Variants in TIPARP observed in about 807,000 individuals in gnomAD.
TIPARP encodes protein mono-ADP-ribosyltransferase TIPARP.
In TIPARP, 12 loss-of-function variants were observed where a neutral mutation model predicts 56.5. The observed-to-expected ratio is 0.21, with a 90% CI of 0.14 to 0.34. The LOEUF (loss-of-function observed/expected upper bound fraction) is 0.34. Ranked by LOEUF, TIPARP falls within the 10% of genes least tolerant of loss-of-function variation. The pLI is 1.00. For missense variants in TIPARP, 604 were observed against 781.6 expected (o/e 0.77, Z 2.71); for synonymous variants, 296 against 265.7 (o/e 1.11, Z -1.11).
In TIPARP at chr3:156,703,329, TATA is replaced by T. The variant is rs369519518; in HGVS notation, c.1248-91_1248-89del. On this transcript the variant is annotated intron_variant, in intron 4 of 5. Coordinates refer to ENST00000295924, the MANE Select transcript of TIPARP (RefSeq NM_015508.5). ...AAATAAGCACTTAAGCTATACAGAT[TATA>T]ATATTAAGTAGACACTGATATAGAT... The T allele has an allele frequency of 4.1e-4, 528 of 1,281,318 alleles. No individual in the cohort carries two copies. The African/African-American group carries it at 7.2e-3, about 18-fold the overall frequency. 79.4% of individuals were successfully genotyped at this position (1,281,318 alleles called of 1,614,324 possible). A position where few individuals can be genotyped will look rare whatever the true frequency, so the allele number is the denominator to read the frequency against.
Position 156,678,447 on chromosome 3 carries a change from T to C in TIPARP, c.750T>C (p.Thr250=), listed in dbSNP as rs1302487512. ...IEICMDFLQG[T]CIYGRDCLKH... is the part of the protein sequence containing the mutation. ...TTTGCATGGACTTTCTGCAAGGCAC[T>C]TGTATTTATGGCAGGGATTGTTTGA... Residue 250 remains threonine (T), a synonymous_variant, in exon 2 of 6, where the codon ACT becomes ACC. Transcript: ENST00000295924. 1.2e-6 allele frequency: 2 copies of C among 1,614,196 alleles called. No individual in the cohort carries two copies. The highest frequency in any genetic ancestry group is 1.6e-4 in the Middle Eastern group (1 of 6,062).
chr3:156,690,082 T>A (rs1722527181), intron 2 of TIPARP, among the ~76,000 whole-genome samples: 1 of 152,198 alleles, frequency 6.6e-6, no homozygotes, highest in Non-Finnish European at 1.5e-5. Flanking sequence ...GCTTTTTTTT[T>A]GGTCTCATTT....
chr3:156,703,720 A>G lies in TIPARP; in HGVS notation c.1526+18A>G. 1 of 1,599,274 alleles carries G rather than the reference A, an allele frequency of 6.3e-7. No individual in the cohort carries two copies. Among genetic ancestry groups the G allele is most frequent in the Non-Finnish European group, 8.5e-7 (1 of 1,176,380 alleles). ...TATAAAAGGTGAGTCAGATGTATGA[A>G]AAGTTCAAGACGGCCGGGCGCAGTG... On this transcript the variant is annotated intron_variant, in intron 5 of 5. Coordinates refer to ENST00000295924, the MANE Select transcript of TIPARP (RefSeq NM_015508.5).
rs762719514 is a variant in TIPARP at position 156,703,658 on chromosome 3, G to T, written c.1482G>T (p.Gln494His). ...TVPEFKYRIL[Q>H]ILRVQNQFLW... ...CTGAGTTTAAATACAGAATTTTGCA[G>T]ATATTGAGAGTCCAAAACCAGTTTC... is the stretch of plus-strand genomic sequence containing the variant. The change falls in exon 5 of 6, where the codon CAG becomes CAT. Residue 494 changes from glutamine to histidine, a missense_variant. By Grantham distance (24) the Gln-to-His change is conservative (BLOSUM62 0). Around this residue, in one of 4 missense-constraint regions of TIPARP, gnomAD observed 252 missense variants for 303.9 expected, o/e 0.83. Transcript: ENST00000295924. 6.2e-7 allele frequency: 1 copy of T among 1,613,814 alleles called. No individual in the cohort carries two copies. Among genetic ancestry groups the T allele is most frequent in the South Asian group, 1.1e-5 (1 of 91,054 alleles).
chr3:156,694,290 G>A, intron 3 of TIPARP, 102 bp downstream of exon 3: 1 of 1,035,156 alleles, frequency 9.7e-7, no homozygotes, highest in Non-Finnish European at 1.3e-6. Flanking sequence ...GCAGAACTAT[G>A]CATATAATCA....
chr3:156,695,333 C>A (rs1481835597), intron 3 of TIPARP, among the ~76,000 whole-genome samples: 1 of 152,080 alleles, frequency 6.6e-6, no homozygotes, highest in Non-Finnish European at 1.5e-5. Context: ...CCTGCCTCAG[C>A]CTCCCAAATA....
At position 156,678,401 on chromosome 3, in the gene TIPARP, A is replaced by G. The variant is rs983254095; in HGVS notation, c.704A>G (p.His235Arg). 6.2e-7 allele frequency: 1 copy of G among 1,614,184 alleles called. No homozygotes were observed. Among genetic ancestry groups the G allele is most frequent in the African/African-American group, 1.3e-5 (1 of 75,052 alleles). ...ELVNQLQYHT[H>R]QENGIEICMD... is the part of the protein sequence containing the mutation. The stretch of plus-strand genomic sequence containing the variant: ...GTGAACCAGTTGCAGTACCACACTC[A>G]CCAAGAGAACGGAATTGAAATTTGC... Residue 235 changes from histidine (H) to arginine (R), a missense_variant, in exon 2 of 6, where the codon CAC becomes CGC. Transcript: ENST00000295924.
chr3:156,681,861 C>T (rs1301170098), intron 2 of TIPARP, among the ~76,000 whole-genome samples: 2 of 151,762 alleles, frequency 1.3e-5, no homozygotes, highest in Non-Finnish European at 2.9e-5. Context: ...CTTTTTTGCA[C>T]ACGAGATGAG....
Position 156,678,223 on chromosome 3 carries a change from G to C in TIPARP, c.526G>C (p.Asp176His). The C allele has an allele frequency of 1.9e-6, 3 of 1,614,096 alleles. No homozygotes were observed. The highest frequency in any genetic ancestry group is 2.5e-6 in the Non-Finnish European group (3 of 1,180,042). The change falls in exon 2 of 6, where the codon GAC becomes CAC. Residue 176 changes from aspartate to histidine, a missense_variant. By Grantham distance (81) the Asp-to-His change is moderately conservative. Transcript: ENST00000295924. ...TTCAAGTGATGTTCCTACTAGTCCT[G>C]ACTGCTTAGACAAAGTCATAGATTA... ...PVSSDVPTSP[D>H]CLDKVIDYVP...
intron 2 of TIPARP, among the ~76,000 whole-genome samples, chr3:156,686,448 G>T (rs1260532411): frequency 1.3e-5 from 2 of 152,128 alleles, no homozygotes; most frequent in Non-Finnish European, 2.9e-5. Context: ...TTTGTTTAAA[G>T]AACTATCAGA....
At chr3:156,682,145 A>G (rs62276621) in intron 2 of TIPARP, among the ~76,000 whole-genome samples, 4,860 of 152,240 alleles carry the variant, frequency 0.032, 111 homozygotes, top group Non-Finnish European at 0.048. Context: ...AGCCAGAACA[A>G]TTTTCTATTT....
intron 2 of TIPARP, among the ~76,000 whole-genome samples, chr3:156,684,353 A>G (rs928728555): frequency 6.6e-6 from 1 of 152,194 alleles, no homozygotes; most frequent in African/African-American, 2.4e-5. Context: ...TTTTACCGCT[A>G]CTTTGCAACA....
At position 156,678,111 on chromosome 3, in the gene TIPARP, A is replaced by G. The variant is rs376160549; in HGVS notation, c.414A>G (p.Gln138=). Residue 138 remains glutamine, a synonymous_variant, in exon 2 of 6, where the codon CAA becomes CAG. Transcript: ENST00000295924. ...TEAPERVVPI[Q]DHSFPSETLS... Reference sequence around the variant, plus strand: ...CTCCAGAACGAGTGGTTCCAATCCAAGATCACAGCTTTCCATCAGAAACCC... The same window carrying G: ...CTCCAGAACGAGTGGTTCCAATCCAGGATCACAGCTTTCCATCAGAAACCC... 3.7e-6 allele frequency: 6 copies of G among 1,614,112 alleles called. No individual in the cohort carries two copies. The East Asian group carries it at 6.7e-5, about 18-fold the overall frequency.
At chr3:156,682,210 C>G (rs781737292) in intron 2 of TIPARP, among the ~76,000 whole-genome samples, 2 of 152,190 alleles carry the variant, frequency 1.3e-5, no homozygotes, top group Non-Finnish European at 2.9e-5. Context: ...AGGCTACCTG[C>G]AGGTGCACAT....
At chr3:156,686,125 G>C (rs1722422057) in intron 2 of TIPARP, among the ~76,000 whole-genome samples, 2 of 152,216 alleles carry the variant, frequency 1.3e-5, no homozygotes, top group African/African-American at 4.8e-5. Context: ...GTGAAACAGA[G>C]TCAGGGTAAA....
rs552678860 is a variant in TIPARP at position 156,695,930 on chromosome 3, G to T, written c.1152G>T (p.Trp384Cys). The T allele has an allele frequency of 1.9e-6, 3 of 1,606,612 alleles. No individual in the cohort carries two copies. Among genetic ancestry groups the T allele is most frequent in the Non-Finnish European group, 2.5e-6 (3 of 1,177,872 alleles). The change falls in exon 4 of 6, where the codon TGG (tryptophan) becomes TGT (cysteine). Residue 384 changes from tryptophan to cysteine, a missense_variant. Trp to Cys is a radical substitution (Grantham distance 215, BLOSUM62 -2). Coordinates refer to ENST00000295924, the MANE Select transcript of TIPARP (RefSeq NM_015508.5). The stretch of plus-strand genomic sequence containing the variant: ...TGAAAGAGGTTCGATTTATGATGTG[G>T]AATAACCACTACATCCTCCACAATT... ...RGLKEVRFMM[W>C]NNHYILHNSF...
intron 2 of TIPARP, among the ~76,000 whole-genome samples, chr3:156,684,842 C>T (rs1171885293): frequency 1.3e-5 from 2 of 152,172 alleles, no homozygotes; most frequent in East Asian, 1.9e-4. Context: ...CAGACTCACC[C>T]CAATTTAAAA....
chr3:156,704,983 T>C lies in TIPARP; in HGVS notation c.1826T>C (p.Val609Ala). 1 of 1,614,238 alleles carries C rather than the reference T, an allele frequency of 6.2e-7. No homozygotes were observed. Among genetic ancestry groups the C allele is most frequent in the Non-Finnish European group, 8.5e-7 (1 of 1,180,040 alleles). The change falls in exon 6 of 6, where the codon GTC becomes GCC. Residue 609 changes from valine to alanine, a missense_variant. Around this residue, in one of 4 missense-constraint regions of TIPARP, gnomAD observed 77 missense variants for 161.0 expected, o/e 0.48. Coordinates refer to ENST00000295924, the MANE Select transcript of TIPARP (RefSeq NM_015508.5). ...GSHGMRRPPP[V>A]NPGSVTSDLY... ...CATGGCATGAGAAGGCCCCCGCCAG[T>C]CAATCCTGGCAGTGTCACCAGTGAC...
chr3:156,690,483 G>A (rs1722542431), intron 2 of TIPARP, among the ~76,000 whole-genome samples: 1 of 152,140 alleles, frequency 6.6e-6, no homozygotes, highest in South Asian at 2.1e-4. Context: ...TTGTTATAAA[G>A]CATCTAAATT....
Sources: gnomAD v4.1 joint callset for allele counts (sites outside exome capture counted in the v4.1 genomes callset) on GRCh38, gnomAD v4.1.1 for gene constraint, gnomAD v4.1.1 regional missense constraint, MANE v1.5 for transcripts, NCBI Gene and HGNC (gene_info 2026-07-23, HGNC 2026-07-21) for gene names.